LMAN1: variants seen among roughly 807,000 people sequenced by gnomAD.
The protein encoded by LMAN1 is protein ERGIC-53.
Under a neutral mutation model 67.8 loss-of-function variants are expected in LMAN1, and 32 were observed. The ratio of observed to expected loss-of-function variants is 0.47; its 90% confidence interval spans 0.36 to 0.63. The LOEUF is 0.63. Among genes scored for constraint, LMAN1 ranks in the 30% least tolerant of loss-of-function variants. The probability of loss-of-function intolerance (pLI) is 0.00; values close to 1 mark genes in which losing one functional copy is unlikely to be tolerated. For missense variants in LMAN1, 632 were observed against 628.2 expected, an observed-to-expected ratio of 1.01 and a Z score of -0.06; for synonymous variants, 235 against 219.3, an observed-to-expected ratio of 1.07 and a Z score of -0.63.
At position 59,333,241 on chromosome 18, in the gene LMAN1, A is replaced by G. The variant is rs1310425656; in HGVS notation, c.1224T>C (p.Asn408=). The G allele has an allele frequency of 6.2e-7, 1 of 1,612,898 alleles. No individual in the cohort carries two copies. The highest frequency in any genetic ancestry group is 8.5e-7 in the Non-Finnish European group (1 of 1,179,354). The change falls in exon 11 of 13, where the codon AAT becomes AAC. Residue 408 remains asparagine (N), a synonymous_variant. Coordinates refer to ENST00000251047, the MANE Select transcript of LMAN1 (RefSeq NM_005570.4). ...EILRQVNEMK[N]SMSETVRLVS... is the part of the protein sequence containing the mutation. ...CCAGTCTGACGGTTTCACTCATGGA[A>G]TTTCTGAAACAGAAAGTCTCTTGAT... is the stretch of plus-strand genomic sequence containing the variant.
intron 8 of LMAN1, 133 bp downstream of exon 8, chr18:59,345,786 T>C: frequency 9.6e-7 from 1 of 1,043,606 alleles, no homozygotes; most frequent in South Asian, 1.4e-5. Flanking sequence ...GCTCCTAAAT[T>C]GTTTCCAGAA....
At chr18:59,333,028 T>A (rs2070757245) in intron 11 of LMAN1, 63 bp downstream of exon 11, 2 of 1,336,006 alleles carry the variant, frequency 1.5e-6, no homozygotes, top group East Asian at 4.6e-5. Context: ...ATACTTGCAG[T>A]AGAGTATGAG....
chr18:59,354,329 A>G (rs778486697), intron 4 of LMAN1, among the ~76,000 whole-genome samples, 190 bp downstream of exon 4: 10 of 152,230 alleles, frequency 6.6e-5, no homozygotes, highest in Admixed American at 3.3e-4. Flanking sequence ...TGAATCTGAG[A>G]TGGTCCACAG....
chr18:59,347,597 G>T, intron 6 of LMAN1, 26 bp from the exon 7 acceptor site: 2 of 1,457,346 alleles, frequency 1.4e-6, no homozygotes, highest in Non-Finnish European at 9.5e-7. Context: ...AAAAAAGTCT[G>T]AAAAAGTTCC....
intron 8 of LMAN1, among the ~76,000 whole-genome samples, chr18:59,340,874 A>G (rs559859268): frequency 1.3e-5 from 2 of 152,182 alleles, no homozygotes; most frequent in Non-Finnish European, 2.9e-5. Context: ...TCATATATCA[A>G]TATTAACCTT....
chr18:59,347,273 A>G (rs1401669422), intron 7 of LMAN1, among the ~76,000 whole-genome samples: 1 of 132,600 alleles, frequency 7.5e-6, no homozygotes, highest in Non-Finnish European at 1.5e-5. Flanking sequence ...GAGAGCAGAT[A>G]TCGCGCCACT....
rs114579156 is a variant in LMAN1, at chr18:59,335,491, T to C, written c.1221-2247A>G. Among the ~76,000 whole-genome samples the C allele has an allele frequency of 3.3e-3, 488 of 146,384 alleles. 1 individual carries two copies. Among genetic ancestry groups the C allele is most frequent in the African/African-American group, 0.012 (466 of 39,814 alleles). On this transcript the variant is annotated intron_variant, in intron 10 of 12. Coordinates refer to ENST00000251047, the MANE Select transcript of LMAN1 (RefSeq NM_005570.4). ...AGAAAATACGTATATGCAGAAGAAA[T>C]ACAGGAAGAACAAACCGGAAGCTAA...
At chr18:59,338,513 A>T (rs563483949) in intron 10 of LMAN1, 44 bp downstream of exon 10, 19 of 1,499,052 alleles carry the variant, frequency 1.3e-5, no homozygotes, top group East Asian at 1.1e-4. Flanking sequence ...AATTTAGGAT[A>T]AAAAAAATCA....
chr18:59,355,586 T>A lies in LMAN1; in HGVS notation c.287A>T (p.Lys96Met). Residue 96 changes from lysine to methionine, a missense_variant, in exon 2 of 13, where the codon AAG (lysine) becomes ATG (methionine). Lys to Met is a moderately conservative substitution (Grantham distance 95). Coordinates refer to ENST00000251047, the MANE Select transcript of LMAN1 (RefSeq NM_005570.4). ...CCAGTTCTCAAAGGCCGCTTTTGTC[T>A]TTGTCCACACTGAGCCTCTTTGGCT... Reference protein sequence around the residue: ...LKSQRGSVWTKTKAAFENWEV... With the variant: ...LKSQRGSVWTMTKAAFENWEV... 2 of 1,614,154 alleles carry A rather than the reference T, an allele frequency of 1.2e-6. No homozygotes were observed. The highest frequency in any genetic ancestry group is 1.7e-6 in the Non-Finnish European group (2 of 1,179,984).
Position 59,327,823 on chromosome 18 carries a change from T to C in LMAN1, c.*3270A>G, listed in dbSNP as rs1174609327. On this transcript the variant is annotated 3_prime_UTR_variant, in exon 13 of 13. Transcript: ENST00000251047. ...CAAGATCAATGAAGGAAAAAGCAAA[T>C]TTACTAAAATATTTCTTTATTTGAA... is the stretch of plus-strand genomic sequence containing the variant. 6.6e-6 allele frequency: 1 copy of C among 152,116 alleles called. No homozygotes were observed. The highest frequency in any genetic ancestry group is 1.5e-5 in the Non-Finnish European group (1 of 68,014). The allele number at this position is 152,116 out of a possible 1,614,324, so 9.4% of individuals were successfully genotyped here. A position where few individuals can be genotyped will look rare whatever the true frequency, so the allele number is the denominator to read the frequency against.
chr18:59,341,692 G>C (rs1908291611), intron 8 of LMAN1, among the ~76,000 whole-genome samples: 1 of 152,088 alleles, frequency 6.6e-6, no homozygotes, highest in Non-Finnish European at 1.5e-5. Context: ...AAAAAGCAGT[G>C]TGAAGAGGGC....
chr18:59,333,429 T>C (rs2144209531), intron 10 of LMAN1, 185 bp from the exon 11 acceptor site: 1 of 561,806 alleles, frequency 1.8e-6, no homozygotes, highest in Non-Finnish European at 3.1e-6. Flanking sequence ...AACGACATTA[T>C]GCCTTTATAT....
chr18:59,343,060 A>G (rs1908322962), intron 8 of LMAN1, among the ~76,000 whole-genome samples: 1 of 151,594 alleles, frequency 6.6e-6, no homozygotes, highest in Non-Finnish European at 1.5e-5. Context: ...CAGCTAAAAA[A>G]AAAAAAAAAC....
intron 10 of LMAN1, among the ~76,000 whole-genome samples, chr18:59,337,312 T>A (rs1908181204): frequency 6.6e-6 from 1 of 152,030 alleles, no homozygotes; most frequent in African/African-American, 2.4e-5. Context: ...CAAGGGAAGA[T>A]GAACTACTGC....
intron 8 of LMAN1, among the ~76,000 whole-genome samples, chr18:59,340,277 C>T (rs1908257865): frequency 6.6e-6 from 1 of 152,142 alleles, no homozygotes; most frequent in South Asian, 2.1e-4. Context: ...TGTCCAGATA[C>T]AGGAGGCCCA....
Position 59,359,025 on chromosome 18 carries a change from G to C in LMAN1, c.214+6C>G, listed in dbSNP as rs781206504. On this transcript the variant is annotated splice_donor_region_variant and intron_variant, in intron 1 of 12. Transcript: ENST00000251047. ...ACCCGGCCCCCAGCCCTCTGCTCCG[G>C]CTTACTCCCCGCGTGGGCCCAGAAG... is the stretch of plus-strand genomic sequence containing the variant. 56 of 1,613,364 alleles carry C rather than the reference G, an allele frequency of 3.5e-5. No homozygotes were observed. Among genetic ancestry groups the C allele is most frequent in the East Asian group, 6.7e-5 (3 of 44,878 alleles).
Position 59,346,052 on chromosome 18 carries a change from C to G in LMAN1, c.823-1G>C, listed in dbSNP as rs773886863. ...CCGAAATTTCTTTATCTGGTGTGGG[C>G]TTTTTTTTGGAGTTTTGGAATAGAT... On this transcript the variant is annotated splice_acceptor_variant, in intron 7 of 12. Transcript: ENST00000251047. LOFTEE classifies it high-confidence loss of function. The G allele has an allele frequency of 3.1e-6, 5 of 1,603,570 alleles. No individual in the cohort carries two copies. In the East Asian group the frequency reaches 1.1e-4, roughly 36 times the overall value.
Position 59,359,050 on chromosome 18 carries a change from G to C in LMAN1, c.195C>G (p.Pro65=). Residue 65 remains proline, a synonymous_variant, in exon 1 of 13, where the codon CCC becomes CCG. Transcript: ENST00000251047. ...PHLVQSDGTV[P]FWAHAGNAIP... is the part of the protein sequence containing the mutation. Reference sequence around the variant, plus strand: ...GCTTACTCCCCGCGTGGGCCCAGAAGGGCACGGTCCCGTCGCTCTGCACCA... The same window carrying C: ...GCTTACTCCCCGCGTGGGCCCAGAACGGCACGGTCCCGTCGCTCTGCACCA... 1 of 1,614,022 alleles carries C rather than the reference G, an allele frequency of 6.2e-7. No homozygotes were observed. The highest frequency in any genetic ancestry group is 8.5e-7 in the Non-Finnish European group (1 of 1,179,978).
chr18:59,335,508 G>A (rs1209256002), intron 10 of LMAN1, among the ~76,000 whole-genome samples: 4 of 151,918 alleles, frequency 2.6e-5, no homozygotes, highest in East Asian at 1.9e-4. Flanking sequence ...AGAACAAACC[G>A]GAAGCTAACA....
Sources: gnomAD v4.1 joint callset for allele counts (sites outside exome capture counted in the v4.1 genomes callset) on GRCh38, gnomAD v4.1.1 for gene constraint, MANE v1.5 for transcripts, NCBI Gene and HGNC (gene_info 2026-07-23, HGNC 2026-07-21) for gene names.